The following ZBTB45 variants were observed in gnomAD, a reference collection of about 807,000 sequenced individuals.
ZBTB45 encodes zinc finger and BTB domain containing 45, also known as zinc finger and BTB domain-containing protein 45.
A neutral mutation model predicts 28.4 loss-of-function variants in ZBTB45; 22 were observed. The ratio of observed to expected loss-of-function variants is 0.77; its 90% CI spans 0.55 to 1.10. The LOEUF (loss-of-function observed/expected upper bound fraction) is 1.10, where lower values mean the gene tolerates loss of function less well. Ranked by LOEUF, ZBTB45 falls within the 50% of genes least tolerant of loss-of-function variation. The pLI, the probability that ZBTB45 is intolerant of heterozygous loss-of-function variation, is 0.00. For synonymous variants in ZBTB45, 361 were observed against 332.3 expected (o/e 1.09, Z -0.94); for missense variants, 656 against 750.2 (o/e 0.87, Z 1.47).
At chr19:58,518,704 T>G (rs2053546906) in intron 1 of ZBTB45, among the ~76,000 whole-genome samples, 1 of 152,030 alleles carries the variant, frequency 6.6e-6, no homozygotes, top group African/African-American at 2.4e-5. Context: ...TCGGCCTGTT[T>G]CCCCTTCTAT....
intron 1 of ZBTB45, among the ~76,000 whole-genome samples, chr19:58,534,684 G>A (rs1600071823): frequency 6.6e-6 from 1 of 151,478 alleles, no homozygotes; most frequent in East Asian, 1.9e-4. Context: ...AGCCTCCCGA[G>A]TACCTGGGAC....
upstream of ZBTB45, among the ~76,000 whole-genome samples, chr19:58,523,873 G>A (rs1279722806): frequency 1.8e-4 from 2 of 11,420 alleles, no homozygotes; most frequent in Non-Finnish European, 7.2e-4. Flanking sequence ...GGGTTTCACC[G>A]TGTTAGCCAG....
In ZBTB45 at chr19:58,516,794, C is replaced by T. The variant is rs1200554453; in HGVS notation, c.880G>A (p.Glu294Lys). Residue 294 changes from glutamate to lysine, a missense_variant, in exon 2 of 3, where the codon GAG (glutamate) becomes AAG (lysine). Physicochemically the swap from Glu to Lys is moderately conservative, Grantham distance 56. Transcript: ENST00000594051. This position sits in a 1 kb window ranked among gnomAD's most constrained non-coding sequence, Gnocchi z 6.2. ...PDSYVSTWHDEDGAVPEGCPT... is the reference protein window; with the variant it reads ...PDSYVSTWHDKDGAVPEGCPT... ...CAGCCTTCGGGGACAGCGCCATCCTCGTCGTGCCAAGTGGATACATAGCTG... is the reference window on the plus strand; with the variant it reads ...CAGCCTTCGGGGACAGCGCCATCCTTGTCGTGCCAAGTGGATACATAGCTG... The T allele has an allele frequency of 1.7e-5, 28 of 1,613,886 alleles. No individual in the cohort carries two copies. Among genetic ancestry groups the T allele is most frequent in the East Asian group, 2.2e-5 (1 of 44,878 alleles).
Position 58,516,348 on chromosome 19 carries a change from A to C in ZBTB45, c.1279+47T>G, listed in dbSNP as rs1302257901. 1 of 1,609,514 alleles carries C rather than the reference A, an allele frequency of 6.2e-7. No homozygotes were observed. The highest frequency in any genetic ancestry group is 1.7e-5 in the Admixed American group (1 of 59,768). On this transcript the variant is annotated intron_variant, in intron 2 of 2. Transcript: ENST00000594051. The surrounding 1 kb of genome is among the most constrained non-coding windows in gnomAD (Gnocchi z 6.2). ...AGTGCTCAATTCCCCCTCAGGTTTA[A>C]CTCTCCGATGAGAGATTGCTCCCTC...
At chr19:58,519,989 G>A (rs576057735), upstream of ZBTB45, 1 of 152,434 alleles carries the variant, frequency 6.6e-6, no homozygotes, top group African/African-American at 2.4e-5. Flanking sequence ...CGCGAGGAAT[G>A]TCTGGACCAG....
chr19:58,524,403 A>ATG (rs1252353983), upstream of ZBTB45, among the ~76,000 whole-genome samples: 64 of 138,384 alleles, frequency 4.6e-4, no homozygotes, highest in South Asian at 2.3e-4. Flanking sequence ...ATGTGTATAT[A>ATG]TATGTGTGTG....
At chr19:58,528,317 C>T (rs549485824) in intron 1 of ZBTB45, among the ~76,000 whole-genome samples, 8 of 152,264 alleles carry the variant, frequency 5.3e-5, no homozygotes, top group African/African-American at 1.9e-4. Context: ...TGTTGCTCCA[C>T]ACCGCCTCGT....
rs750354423 is a variant in ZBTB45 at position 58,517,620 on chromosome 19, A to G, written c.54T>C (p.Ser18=). Residue 18 remains serine (S), a synonymous_variant, in exon 2 of 3, where the codon TCT becomes TCC. Transcript: ENST00000594051. ...TCTGCCCATTGAGGGTCTCAAGCAGAGAGCGTGAGAAGTTCTGCAGGTGTA... is the reference window on the plus strand; with the variant it reads ...TCTGCCCATTGAGGGTCTCAAGCAGGGAGCGTGAGAAGTTCTGCAGGTGTA... ...HHIHLQNFSR[S]LLETLNGQRL... 1.2e-6 allele frequency: 2 copies of G among 1,613,932 alleles called. No homozygotes were observed. The highest frequency in any genetic ancestry group is 1.7e-5 in the Admixed American group (1 of 60,008).
At chr19:58,526,829 C>T (rs996846746) in intron 1 of ZBTB45, among the ~76,000 whole-genome samples, 1 of 151,578 alleles carries the variant, frequency 6.6e-6, no homozygotes, top group African/African-American at 2.4e-5. Context: ...CCGCGCCCGG[C>T]CTATTATTAT....
upstream of ZBTB45, among the ~76,000 whole-genome samples, chr19:58,524,541 C>T (rs918220911): frequency 1.3e-5 from 2 of 149,894 alleles, no homozygotes; most frequent in African/African-American, 4.9e-5. Context: ...CCTGAGAACA[C>T]AGGTTTGACA....
chr19:58,516,903 A>T lies in ZBTB45; in HGVS notation c.771T>A (p.Pro257=), dbSNP rs775525593. The T allele has an allele frequency of 6.2e-7, 1 of 1,613,342 alleles. No individual in the cohort carries two copies. The highest frequency in any genetic ancestry group is 8.5e-7 in the Non-Finnish European group (1 of 1,180,016). Residue 257 remains proline, a synonymous_variant, in exon 2 of 3, where the codon CCT becomes CCA. Coordinates refer to ENST00000594051, the MANE Select transcript of ZBTB45 (RefSeq NM_001316979.2). The surrounding 1 kb of genome is among the most constrained non-coding windows in gnomAD (Gnocchi z 6.2). ...AAADSACEEP[P]APTGLADYSG... is the part of the protein sequence containing the mutation. The stretch of plus-strand genomic sequence containing the variant: ...TGTAGTCAGCGAGGCCAGTGGGTGC[A>T]GGGGGCTCCTCGCACGCGCTGTCAG...
At chr19:58,524,442 T>C (rs1568649000), upstream of ZBTB45, among the ~76,000 whole-genome samples, 1 of 143,212 alleles carries the variant, frequency 7.0e-6, no homozygotes, top group South Asian at 2.2e-4. Context: ...TATATGTGTG[T>C]GTGTGTGTGT....
rs948901669 is a variant in ZBTB45, at chr19:58,516,165, C to T, written c.1279+230G>A. The stretch of plus-strand genomic sequence containing the variant: ...AAGGCCAGGACAGGCTCCTGCTTCC[C>T]TACCCAGCCTCAGGATCCCCCTCCA... On this transcript the variant is annotated intron_variant, in intron 2 of 2. Transcript: ENST00000594051. This position sits in a 1 kb window ranked among gnomAD's most constrained non-coding sequence, Gnocchi z 6.2. Among the ~76,000 whole-genome samples the T allele has an allele frequency of 1.2e-4, 19 of 152,298 alleles. 1 individual carries two copies. In the Middle Eastern group the frequency reaches 0.01, roughly 82 times the overall value.
At chr19:58,522,950 G>A (rs923645003), upstream of ZBTB45, among the ~76,000 whole-genome samples, 1 of 152,148 alleles carries the variant, frequency 6.6e-6, no homozygotes, top group African/African-American at 2.4e-5. Flanking sequence ...ACCTAGTGGG[G>A]TGGCAAACGC....
intron 1 of ZBTB45, among the ~76,000 whole-genome samples, chr19:58,532,425 T>C (rs1321626340): frequency 6.6e-6 from 1 of 152,054 alleles, no homozygotes; most frequent in Non-Finnish European, 1.5e-5. Context: ...CAACAGAAGA[T>C]TTTTTCTCAC....
At chr19:58,526,119 T>G (rs950663337) in intron 1 of ZBTB45, among the ~76,000 whole-genome samples, 40 of 152,020 alleles carry the variant, frequency 2.6e-4, no homozygotes, top group African/African-American at 8.0e-4. Flanking sequence ...TCCCAGCTAT[T>G]TGGCAGATCA....
At chr19:58,526,638 T>C in intron 1 of ZBTB45, among the ~76,000 whole-genome samples, 3 of 132,782 alleles carry the variant, frequency 2.3e-5, no homozygotes, top group Non-Finnish European at 4.9e-5. Context: ...TTCACGCCAT[T>C]CTCCTGCCTC....
chr19:58,524,725 T>A (rs988317018), upstream of ZBTB45, among the ~76,000 whole-genome samples: 5 of 150,936 alleles, frequency 3.3e-5, no homozygotes, highest in African/African-American at 1.2e-4. Context: ...CTACTAAAAA[T>A]ACAAAAAATT....
chr19:58,525,556 C>T (rs1568649528), intron 1 of ZBTB45, among the ~76,000 whole-genome samples: 1 of 152,090 alleles, frequency 6.6e-6, no homozygotes, highest in Admixed American at 6.6e-5. Context: ...GAGGCTGCAG[C>T]TTAGAGAGAG....
Sources: allele counts gnomAD v4.1 joint callset (sites outside exome capture counted in the v4.1 genomes callset), GRCh38; gene constraint gnomAD v4.1.1; non-coding constraint Gnocchi (gnomAD v3.1); transcripts MANE v1.5; gene names NCBI Gene and HGNC (gene_info 2026-07-23, HGNC 2026-07-21).